Variants in ACCSL observed in about 807,000 individuals in gnomAD.
The protein encoded by ACCSL is 1-aminocyclopropane-1-carboxylate synthase homolog (inactive) like.
Under a neutral mutation model 61.7 loss-of-function variants are expected in ACCSL, and 55 were observed. The observed-to-expected ratio is 0.89, with a 90% CI of 0.72 to 1.12. The LOEUF is 1.12. ACCSL is among the 50% of genes most tolerant of loss of function. ACCSL has a pLI of 0.00. For synonymous variants in ACCSL, 258 were observed against 264.3 expected (o/e 0.98, Z 0.23); for missense variants, 632 against 698.0 (o/e 0.91, Z 1.07).
the ACCSL span, among the ~76,000 whole-genome samples, chr11:44,024,607 A>ACT: frequency 6.6e-6 from 1 of 152,134 alleles, no homozygotes; most frequent in Admixed American, 6.5e-5. Flanking sequence ...ATGGGCTGGC[A>ACT]TATGGTCTAT....
chr11:44,039,674 C>T, the ACCSL span, among the ~76,000 whole-genome samples: 1 of 152,240 alleles, frequency 6.6e-6, no homozygotes, highest in Non-Finnish European at 1.5e-5. Flanking sequence ...AAATAAAATG[C>T]ACATTCCTGG....
At chr11:43,976,493 G>A in the ACCSL span, among the ~76,000 whole-genome samples, 1 of 152,214 alleles carries the variant, frequency 6.6e-6, no homozygotes, top group Non-Finnish European at 1.5e-5. Flanking sequence ...GGTAATGAGA[G>A]CTGGTATAAC....
the ACCSL span, among the ~76,000 whole-genome samples, chr11:43,984,589 G>T: frequency 6.6e-6 from 1 of 152,242 alleles, no homozygotes. Context: ...CTGCAACCAG[G>T]CTCAGAATAA....
chr11:43,957,829 T>C, the ACCSL span, among the ~76,000 whole-genome samples: 3 of 152,182 alleles, frequency 2.0e-5, no homozygotes, highest in Admixed American at 2.0e-4. Flanking sequence ...TAACAAGGCA[T>C]GTGTGACCGC....
chr11:43,971,111 T>C, the ACCSL span, among the ~76,000 whole-genome samples: 1 of 152,160 alleles, frequency 6.6e-6, no homozygotes, highest in East Asian at 1.9e-4. Context: ...GGTGGGCAGA[T>C]AACTTGAGGT....
upstream of ACCSL, among the ~76,000 whole-genome samples, chr11:44,045,430 A>G (rs1952591805): frequency 6.6e-6 from 1 of 152,096 alleles, no homozygotes; most frequent in Admixed American, 6.6e-5. Flanking sequence ...AGAGAGTGAG[A>G]TTCTGTCTCA....
chr11:43,983,394 T>TG, the ACCSL span, among the ~76,000 whole-genome samples: 3 of 152,340 alleles, frequency 2.0e-5, no homozygotes, highest in South Asian at 6.2e-4. Flanking sequence ...GCACCTACTA[T>TG]GTGCCTGGTG....
chr11:43,950,098 C>T, the ACCSL span, among the ~76,000 whole-genome samples: 1 of 152,210 alleles, frequency 6.6e-6, no homozygotes. Context: ...CAGTGAAAGG[C>T]TGATCAAGGA....
At chr11:43,971,047 A>G in the ACCSL span, among the ~76,000 whole-genome samples, 1 of 152,134 alleles carries the variant, frequency 6.6e-6, no homozygotes, top group African/African-American at 2.4e-5. Context: ...AAAACCAGTA[A>G]TATGGCCAGG....
At chr11:43,999,195 C>T in the ACCSL span, among the ~76,000 whole-genome samples, 1 of 152,174 alleles carries the variant, frequency 6.6e-6, no homozygotes, top group Non-Finnish European at 1.5e-5. Flanking sequence ...CCAACATTTA[C>T]CGAACCCTTA....
At chr11:43,970,267 A>G in the ACCSL span, among the ~76,000 whole-genome samples, 290 of 152,224 alleles carry the variant, frequency 1.9e-3, 2 homozygotes, top group African/African-American at 6.5e-3. Flanking sequence ...GTGCAGTAGT[A>G]TGATCAGAGC....
chr11:43,940,245 G>A, the ACCSL span, among the ~76,000 whole-genome samples: 1 of 150,872 alleles, frequency 6.6e-6, no homozygotes, highest in South Asian at 2.1e-4. Context: ...TTCCCAAAGT[G>A]TTGGGATTAC....
chr11:44,004,665 G>T, the ACCSL span, among the ~76,000 whole-genome samples: 3 of 152,180 alleles, frequency 2.0e-5, no homozygotes, highest in African/African-American at 7.2e-5. Flanking sequence ...GTGGGTAAAT[G>T]ACTCCAGGGT....
At chr11:43,938,606 C>A in the ACCSL span, among the ~76,000 whole-genome samples, 1 of 152,006 alleles carries the variant, frequency 6.6e-6, no homozygotes, top group African/African-American at 2.4e-5. Context: ...GAGTTTGAGA[C>A]CAGCCTGGCC....
intron 1 of ACCSL, among the ~76,000 whole-genome samples, 164 bp downstream of exon 1, chr11:44,048,704 G>A (rs955849340): frequency 6.6e-6 from 1 of 152,024 alleles, no homozygotes; most frequent in African/African-American, 2.4e-5. Flanking sequence ...GAAATAAAGT[G>A]ACATGCCCCA....
chr11:43,943,135 G>A, the ACCSL span: 1 of 1,499,094 alleles, frequency 6.7e-7, no homozygotes, highest in Middle Eastern at 1.7e-4. This position sits in a 1 kb window ranked among gnomAD's most constrained non-coding sequence, Gnocchi z 4.8. Flanking sequence ...TGGAGGAGGA[G>A]AAGGCCAAGA....
At chr11:43,942,560 C>T in the ACCSL span, 9 of 289,622 alleles carry the variant, frequency 3.1e-5, no homozygotes, top group Non-Finnish European at 5.4e-5. Context: ...CTTTAAATGG[C>T]ATTCGCTGTC....
chr11:44,051,655 G>A lies in ACCSL; in HGVS notation c.708G>A (p.Val236=), dbSNP rs1409855837. ...RAPTRLDPEN[V]VVLNGCCSVF... Reference sequence around the variant, plus strand: ...TGCCTCTCATGTGTTGTCTTCAGGTGGTGGTTCTAAATGGCTGCTGCTCTG... The same window carrying A: ...TGCCTCTCATGTGTTGTCTTCAGGTAGTGGTTCTAAATGGCTGCTGCTCTG... The change falls in exon 5 of 14, where the codon GTG becomes GTA. Residue 236 remains valine (V), a splice_region_variant and synonymous_variant. Transcript: ENST00000378832. 6.8e-6 allele frequency: 11 copies of A among 1,614,178 alleles called. No individual in the cohort carries two copies. The highest frequency in any genetic ancestry group is 3.3e-5 in the South Asian group (3 of 91,080).
At chr11:43,934,391 C>G in the ACCSL span, among the ~76,000 whole-genome samples, 3 of 152,184 alleles carry the variant, frequency 2.0e-5, no homozygotes, top group Non-Finnish European at 2.9e-5. Context: ...AAGACTCAGT[C>G]TCTCGCCTGC....
Sources: allele counts gnomAD v4.1 joint callset (sites outside exome capture counted in the v4.1 genomes callset), GRCh38; gene constraint gnomAD v4.1.1; non-coding constraint Gnocchi (gnomAD v3.1); transcripts MANE v1.5; gene names NCBI Gene and HGNC (gene_info 2026-07-23, HGNC 2026-07-21).